The following CMIP variants were observed in gnomAD, a reference collection of about 807,000 sequenced individuals.
CMIP encodes C-Maf-inducing protein.
CMIP carries 13 observed loss-of-function variants against 97.3 expected under a neutral mutation model. The observed-to-expected ratio is 0.13, with a 90% CI of 0.09 to 0.21. CMIP has a LOEUF of 0.21. Ranked by LOEUF, CMIP falls within the 10% of genes least tolerant of loss-of-function variation. The pLI, the probability that CMIP is intolerant of heterozygous loss-of-function variation, is 1.00. For synonymous variants in CMIP, 538 were observed against 436.3 expected (o/e 1.23, Z -2.91); for missense variants, 847 against 1,024.9 (o/e 0.83, Z 2.37).
At chr16:81,672,699 C>T (rs145082671) in intron 9 of CMIP, among the ~76,000 whole-genome samples, 1 of 152,178 alleles carries the variant, frequency 6.6e-6, no homozygotes, top group East Asian at 1.9e-4. Flanking sequence ...CCTCAGCCTC[C>T]CGAGTAGCTA....
At chr16:81,588,424 G>A (rs1398139034) in intron 1 of CMIP, among the ~76,000 whole-genome samples, 1 of 152,176 alleles carries the variant, frequency 6.6e-6, no homozygotes, top group Non-Finnish European at 1.5e-5. Context: ...CTGGAGCCAC[G>A]CTTGTCAGGT....
intron 1 of CMIP, among the ~76,000 whole-genome samples, chr16:81,497,215 C>A (rs1231292618): frequency 6.6e-6 from 1 of 152,200 alleles, no homozygotes; most frequent in Non-Finnish European, 1.5e-5. Flanking sequence ...CTCAGGCAGA[C>A]CTAGGGCTCT....
chr16:81,704,151 A>G, intron 18 of CMIP, 66 bp downstream of exon 18: 2 of 1,289,174 alleles, frequency 1.6e-6, no homozygotes, highest in Admixed American at 2.2e-5. Flanking sequence ...TCTCCTCCCT[A>G]TTCCCCCGTA....
intron 1 of CMIP, among the ~76,000 whole-genome samples, chr16:81,553,011 T>G (rs551201184): frequency 1.1e-3 from 160 of 152,302 alleles, no homozygotes; most frequent in African/African-American, 3.6e-3. Flanking sequence ...TCTAAAGACG[T>G]GACTTGTCAG....
chr16:81,581,005 A>G (rs1330423959), intron 1 of CMIP, among the ~76,000 whole-genome samples: 3 of 152,030 alleles, frequency 2.0e-5, no homozygotes, highest in East Asian at 3.9e-4. Context: ...TGGACTTTTC[A>G]TAGCAGTACA....
At chr16:81,495,458 C>T (rs762598759) in intron 1 of CMIP, 2 of 1,612,398 alleles carry the variant, frequency 1.2e-6, no homozygotes, top group South Asian at 1.1e-5. Flanking sequence ...CAGATCTCCG[C>T]CCTGGCGTCC....
intron 1 of CMIP, among the ~76,000 whole-genome samples, chr16:81,523,198 G>C (rs1174621733): frequency 6.6e-6 from 1 of 152,214 alleles, no homozygotes; most frequent in Non-Finnish European, 1.5e-5. Flanking sequence ...GGGATTCCAG[G>C]TGTGAGCTAC....
intron 1 of CMIP, among the ~76,000 whole-genome samples, chr16:81,544,734 T>G (rs34485103): frequency 0.36 from 55,083 of 151,856 alleles, 11,720 homozygotes; most frequent in Non-Finnish European, 0.48. Context: ...TATGTGCATG[T>G]GTGTGTGTGC....
At chr16:81,468,380 G>A (rs573462209) in intron 1 of CMIP, among the ~76,000 whole-genome samples, 1 of 152,368 alleles carries the variant, frequency 6.6e-6, no homozygotes, top group Non-Finnish European at 1.5e-5. Flanking sequence ...CCAGCTCTGC[G>A]GCCCCATCTG....
intron 1 of CMIP, among the ~76,000 whole-genome samples, chr16:81,584,124 A>T (rs1471371072): frequency 6.6e-6 from 1 of 152,064 alleles, no homozygotes; most frequent in African/African-American, 2.4e-5. Context: ...AGTGTGGCCG[A>T]GCAGTAGGCG....
chr16:81,495,527 G>A, intron 1 of CMIP: 1 of 1,609,270 alleles, frequency 6.2e-7, no homozygotes, highest in South Asian at 1.1e-5. Flanking sequence ...ACTCTGTCCA[G>A]CTTGATGTCT....
At chr16:81,480,924 G>T (rs1908222619) in intron 1 of CMIP, among the ~76,000 whole-genome samples, 1 of 152,162 alleles carries the variant, frequency 6.6e-6, no homozygotes, top group Non-Finnish European at 1.5e-5. Flanking sequence ...TGATGTCAGG[G>T]TGGGGTCCAA....
In CMIP at chr16:81,480,634, G is replaced by A. The variant is rs72836912; in HGVS notation, c.300+35093G>A. On this transcript the variant is annotated intron_variant, in intron 1 of 20. Transcript: ENST00000537098. ...TGTTTTGCAGGTGATTTTGGAAGGGGCACCTGTTGCTACTTATGTGTTTGC... is the reference window on the plus strand; with the variant it reads ...TGTTTTGCAGGTGATTTTGGAAGGGACACCTGTTGCTACTTATGTGTTTGC... Among the ~76,000 whole-genome samples, 1,315 of 152,290 alleles carry A rather than the reference G, an allele frequency of 8.6e-3. 5 individuals carry two copies. Among genetic ancestry groups the A allele is most frequent in the Non-Finnish European group, 0.014 (938 of 68,022 alleles).
chr16:81,637,613 C>T (rs747521921), intron 3 of CMIP, among the ~76,000 whole-genome samples: 7 of 91,662 alleles, frequency 7.6e-5, no homozygotes, highest in Non-Finnish European at 1.5e-4. Flanking sequence ...TAGATCTGCC[C>T]GACTCTCCGT....
Position 81,699,665 on chromosome 16 carries a change from TG to T in CMIP, c.1639-17del. 6.5e-7 allele frequency: 1 copy of T among 1,534,934 alleles called. No individual in the cohort carries two copies. The highest frequency in any genetic ancestry group is 9.0e-7 in the Non-Finnish European group (1 of 1,110,082). ...CACTGGGTGTCTCTGTCCCTTCACC[TG>T]GGCCTTCTTGCCTCACAGGTGCACA... On this transcript the variant is annotated intron_variant, in intron 14 of 20. Coordinates refer to ENST00000537098, the MANE Select transcript of CMIP (RefSeq NM_198390.3).
At chr16:81,470,575 G>A (rs774886008) in intron 1 of CMIP, among the ~76,000 whole-genome samples, 3 of 152,230 alleles carry the variant, frequency 2.0e-5, no homozygotes, top group Non-Finnish European at 2.9e-5. Flanking sequence ...CACGAAGGTG[G>A]AGTCTTGGGG....
intron 3 of CMIP, among the ~76,000 whole-genome samples, chr16:81,634,115 G>T (rs1197409211): frequency 1.3e-5 from 2 of 152,206 alleles, no homozygotes; most frequent in Non-Finnish European, 2.9e-5. Flanking sequence ...CACAAACTCT[G>T]AGGTGGCAGG....
At chr16:81,680,233 C>T (rs377337681) in intron 10 of CMIP, among the ~76,000 whole-genome samples, 4 of 152,304 alleles carry the variant, frequency 2.6e-5, no homozygotes, top group Admixed American at 2.0e-4. Context: ...TGTGTCGTCA[C>T]GCGCTGGGCA....
chr16:81,547,508 G>A (rs938969132), intron 1 of CMIP, among the ~76,000 whole-genome samples: 2 of 152,286 alleles, frequency 1.3e-5, no homozygotes, highest in African/African-American at 2.4e-5. Flanking sequence ...CCTGGTTTGC[G>A]GGGTCAGGGC....
Sources: allele counts gnomAD v4.1 joint callset (sites outside exome capture counted in the v4.1 genomes callset), GRCh38; gene constraint gnomAD v4.1.1; transcripts MANE v1.5; gene names NCBI Gene and HGNC (gene_info 2026-07-23, HGNC 2026-07-21).